CFAP418: variants seen among roughly 807,000 people sequenced by gnomAD.
The protein encoded by CFAP418 is cilia- and flagella-associated protein 418.
Under a neutral mutation model 24.7 loss-of-function variants are expected in CFAP418, and 27 were observed. The ratio of observed to expected loss-of-function variants is 1.09; its 90% CI spans 0.81 to 1.51. The LOEUF (loss-of-function observed/expected upper bound fraction) is 1.51, where lower values mean the gene tolerates loss of function less well. CFAP418 is among the 40% of genes most tolerant of loss of function. The pLI is 0.00. For missense variants in CFAP418, 257 were observed against 255.2 expected (o/e 1.01, Z -0.05); for synonymous variants, 74 against 87.3 (o/e 0.85, Z 0.85).
chr8:95,260,518 T>A lies in CFAP418; in HGVS notation c.258A>T (p.Lys86Asn). The A allele has an allele frequency of 6.3e-7, 1 of 1,582,506 alleles. No homozygotes were observed. Residue 86 changes from lysine (K) to asparagine (N), a missense_variant, in exon 3 of 6, where the codon AAA (lysine) becomes AAT (asparagine). Lys to Asn is a moderately conservative substitution (Grantham distance 94). Coordinates refer to ENST00000286688, the MANE Select transcript of CFAP418 (RefSeq NM_177965.4). Reference sequence around the variant, plus strand: ...CTCTGACAGATGTGTTACCTGAAGATTTAGATTTTAATTTCTGTTAAAAAA... The same window carrying A: ...CTCTGACAGATGTGTTACCTGAAGAATTAGATTTTAATTTCTGTTAAAAAA... ...LDKKPSKLKSKSSGNTSVRAS... is the reference protein window; with the variant it reads ...LDKKPSKLKSNSSGNTSVRAS...
chr8:95,253,418 T>G (rs1811739496), intron 4 of CFAP418, among the ~76,000 whole-genome samples: 1 of 151,610 alleles, frequency 6.6e-6, no homozygotes, highest in Admixed American at 6.6e-5. Flanking sequence ...ATCTTTTTCT[T>G]TATACATGTT....
chr8:95,252,014 G>GTATA (rs139829514), intron 5 of CFAP418, among the ~76,000 whole-genome samples, 174 bp downstream of exon 5: 3 of 137,804 alleles, frequency 2.2e-5, no homozygotes, highest in African/African-American at 7.4e-5. Flanking sequence ...GAACCACCAT[G>GTATA]TATATATATA....
Position 95,259,816 on chromosome 8 carries a change from T to C in CFAP418, c.374+24A>G, listed in dbSNP as rs761707050. 5.1e-6 allele frequency: 8 copies of C among 1,570,068 alleles called. No homozygotes were observed. In the Admixed American group the frequency reaches 5.4e-5, roughly 11 times the overall value. On this transcript the variant is annotated intron_variant, in intron 4 of 5. Transcript: ENST00000286688. ...ATTTGGAAAAAACCTAGTAAGAAAG[T>C]ATAATACATTTCTGACAACCTACCT... is the stretch of plus-strand genomic sequence containing the variant.
At chr8:95,250,883 A>G (rs980035606) in intron 5 of CFAP418, among the ~76,000 whole-genome samples, 5 of 152,224 alleles carry the variant, frequency 3.3e-5, no homozygotes, top group Non-Finnish European at 7.3e-5. Flanking sequence ...TTTAAAAACT[A>G]TTAAATTAGG....
chr8:95,264,998 T>C (rs972816427), intron 1 of CFAP418, among the ~76,000 whole-genome samples: 5 of 152,252 alleles, frequency 3.3e-5, no homozygotes, highest in South Asian at 2.1e-4. Flanking sequence ...TACTGAAGAA[T>C]AGTCTATATC....
chr8:95,259,977 A>C (rs1811859916), intron 3 of CFAP418, 72 bp from the exon 4 acceptor site: 1 of 1,377,380 alleles, frequency 7.3e-7, no homozygotes, highest in Non-Finnish European at 9.9e-7. Flanking sequence ...TGGCCATGTT[A>C]AAAAAATTTT....
intron 1 of CFAP418, among the ~76,000 whole-genome samples, chr8:95,265,071 G>C (rs1339778705): frequency 1.3e-5 from 2 of 152,132 alleles, no homozygotes; most frequent in Non-Finnish European, 2.9e-5. Context: ...AATCCTAGGC[G>C]GGGGTTTCTC....
chr8:95,252,339 T>G, intron 4 of CFAP418, 56 bp from the exon 5 acceptor site: 3 of 1,135,310 alleles, frequency 2.6e-6, no homozygotes, highest in Non-Finnish European at 3.9e-6. Context: ...TAAATACCAA[T>G]GAAAACATGG....
At chr8:95,250,603 T>C (rs545077301) in intron 5 of CFAP418, among the ~76,000 whole-genome samples, 1 of 152,300 alleles carries the variant, frequency 6.6e-6, no homozygotes, top group South Asian at 2.1e-4. Context: ...AGACAGTAAA[T>C]AGCAGAGGGT....
At chr8:95,249,566 TC>T (rs1227501690) in intron 5 of CFAP418, among the ~76,000 whole-genome samples, 13 of 152,216 alleles carry the variant, frequency 8.5e-5, no homozygotes, top group African/African-American at 2.9e-4. Context: ...GGCCGAAGGA[TC>T]CTTTCAATCT....
At position 95,245,723 on chromosome 8, in the gene CFAP418, G is replaced by A. The variant is rs539660791; in HGVS notation, c.*1894C>T. 1 of 152,186 alleles carries A rather than the reference G, an allele frequency of 6.6e-6. No homozygotes were observed. The highest frequency in any genetic ancestry group is 1.5e-5 in the Non-Finnish European group (1 of 68,026). The allele number at this position is 152,186 out of a possible 1,614,324, so 9.4% of individuals were successfully genotyped here. A position where few individuals can be genotyped will look rare whatever the true frequency, so the allele number is the denominator to read the frequency against. ...CACTGCACTCCAGCCCGGCAACAGA[G>A]TGACACTCCATCTCAAAAAAAAAAT... On this transcript the variant is annotated 3_prime_UTR_variant, in exon 6 of 6. Coordinates refer to ENST00000286688, the MANE Select transcript of CFAP418 (RefSeq NM_177965.4).
In CFAP418 at chr8:95,247,593, T is replaced by C. The variant is rs538569455; in HGVS notation, c.*24A>G. 8 of 1,613,652 alleles carry C rather than the reference T, an allele frequency of 5.0e-6. No homozygotes were observed. Among genetic ancestry groups the C allele is most frequent in the African/African-American group, 1.3e-5 (1 of 75,074 alleles). ...TGGAGACCACTCTCATGGATGCATC[T>C]GTCCGAATGTGCAGTCTGCATTCTT... On this transcript the variant is annotated 3_prime_UTR_variant, in exon 6 of 6. Transcript: ENST00000286688.
chr8:95,252,927 G>A (rs1156260494), intron 4 of CFAP418, among the ~76,000 whole-genome samples: 2 of 152,160 alleles, frequency 1.3e-5, no homozygotes, highest in African/African-American at 2.4e-5. Context: ...GAAGCAAGGT[G>A]CACACTAACA....
At chr8:95,252,474 T>TGC (rs1811723939) in intron 4 of CFAP418, among the ~76,000 whole-genome samples, 191 bp from the exon 5 acceptor site, 2 of 152,234 alleles carry the variant, frequency 1.3e-5, no homozygotes, top group Non-Finnish European at 2.9e-5. Flanking sequence ...TAAGGTTAAA[T>TGC]TTTTGCACAA....
intron 1 of CFAP418, among the ~76,000 whole-genome samples, chr8:95,267,392 G>A (rs551280502): frequency 6.6e-6 from 1 of 152,268 alleles, no homozygotes; most frequent in East Asian, 1.9e-4. Flanking sequence ...ACGAGGTCAG[G>A]AGATCGAGAC....
rs73695434 is a variant in CFAP418 at position 95,247,474 on chromosome 8, A to G, written c.*143T>C. 9.4e-4 allele frequency: 850 copies of G among 901,772 alleles called. 3 individuals carry two copies. In the African/African-American group the frequency reaches 0.012, roughly 13 times the overall value. The allele number at this position is 901,772 out of a possible 1,614,324, so 55.9% of individuals were successfully genotyped here. On this transcript the variant is annotated 3_prime_UTR_variant, in exon 6 of 6. Transcript: ENST00000286688. The stretch of plus-strand genomic sequence containing the variant: ...ATCTTCCTTAGTCCATTTGGTCTTC[A>G]AAAATGTATGTAGTTGTATCAATAA...
At chr8:95,250,755 A>G (rs1811693745) in intron 5 of CFAP418, among the ~76,000 whole-genome samples, 1 of 152,218 alleles carries the variant, frequency 6.6e-6, no homozygotes, top group Admixed American at 6.5e-5. Flanking sequence ...TTGGGTTGGA[A>G]ACTGTAAAAT....
rs1811931415 is a variant in CFAP418, at chr8:95,263,750, T to C, written c.180A>G (p.Glu60=). Residue 60 remains glutamate, a synonymous_variant, in exon 2 of 6, where the codon GAA becomes GAG. Coordinates refer to ENST00000286688, the MANE Select transcript of CFAP418 (RefSeq NM_177965.4). ...CATTAATAAGACTGTCAAGATCATC[T>C]TCTTTTTTAAATGTTTCTGTTGATC... ...TLRSTETFKK[E]DDLDSLINEI... 2 of 1,607,748 alleles carry C rather than the reference T, an allele frequency of 1.2e-6. No homozygotes were observed. The highest frequency in any genetic ancestry group is 2.7e-5 in the African/African-American group (2 of 74,804).
chr8:95,251,314 G>C (rs1811703781), intron 5 of CFAP418, among the ~76,000 whole-genome samples: 1 of 152,210 alleles, frequency 6.6e-6, no homozygotes, highest in African/African-American at 2.4e-5. Context: ...TACTCTGAAG[G>C]ACAGGTAGGG....
Sources: allele counts gnomAD v4.1 joint callset (sites outside exome capture counted in the v4.1 genomes callset), GRCh38; gene constraint gnomAD v4.1.1; transcripts MANE v1.5; gene names NCBI Gene and HGNC (gene_info 2026-07-23, HGNC 2026-07-21).